Variants in MAGI2 observed in about 807,000 individuals in gnomAD.
The protein encoded by MAGI2 is membrane associated guanylate kinase, WW and PDZ domain containing 2.
A neutral mutation model predicts 133.3 loss-of-function variants in MAGI2; 35 were observed. The observed-to-expected ratio is 0.26, with a 90% CI of 0.20 to 0.35. The LOEUF (loss-of-function observed/expected upper bound fraction) is 0.35, where lower values mean the gene tolerates loss of function less well. Among genes scored for constraint, MAGI2 ranks in the 10% least tolerant of loss-of-function variants. MAGI2 has a pLI of 1.00. For synonymous variants in MAGI2, 729 were observed against 710.6 expected, an observed-to-expected ratio of 1.03 and a Z score of -0.41; for missense variants, 1,636 against 1,863.4, an observed-to-expected ratio of 0.88 and a Z score of 2.25.
chr7:78,978,901 C>T (rs1215281055), intron 2 of MAGI2, among the ~76,000 whole-genome samples: 1 of 151,704 alleles, frequency 6.6e-6, no homozygotes, highest in Non-Finnish European at 1.5e-5. Context: ...AACCACTATA[C>T]ACATATACAG....
chr7:78,098,309 A>C (rs1817898933), intron 20 of MAGI2, among the ~76,000 whole-genome samples: 1 of 152,164 alleles, frequency 6.6e-6, no homozygotes, highest in Admixed American at 6.5e-5. Flanking sequence ...AGGAATATAC[A>C]TGTAGTATTT....
intron 2 of MAGI2, among the ~76,000 whole-genome samples, chr7:78,988,230 C>A (rs867327386): frequency 2.6e-5 from 4 of 151,986 alleles, no homozygotes; most frequent in African/African-American, 9.7e-5. Context: ...GGCCCCAGCC[C>A]AACTACAAAC....
At chr7:79,159,299 A>T (rs1824116366) in intron 1 of MAGI2, among the ~76,000 whole-genome samples, 1 of 152,040 alleles carries the variant, frequency 6.6e-6, no homozygotes, top group Non-Finnish European at 1.5e-5. Flanking sequence ...GGATCACCTG[A>T]GGTCAGGAGT....
chr7:78,104,065 A>C (rs1326894974), intron 20 of MAGI2, among the ~76,000 whole-genome samples: 1 of 152,170 alleles, frequency 6.6e-6, no homozygotes, highest in Non-Finnish European at 1.5e-5. Context: ...GGGCTTCTAC[A>C]ATACTCCTGG....
intron 10 of MAGI2, among the ~76,000 whole-genome samples, chr7:78,227,720 T>C (rs1017398077): frequency 6.6e-6 from 1 of 152,138 alleles, no homozygotes; most frequent in Non-Finnish European, 1.5e-5. Flanking sequence ...TAGAAAAATA[T>C]AATTTCCCCC....
rs118116834 is a variant in MAGI2 at position 79,066,025 on chromosome 7, G to T, written c.302-58819C>A. Among the ~76,000 whole-genome samples the T allele has an allele frequency of 3.9e-3, 599 of 152,204 alleles. 12 individuals carry two copies. The East Asian group carries it at 0.071, about 18-fold the overall frequency. On this transcript the variant is annotated intron_variant, in intron 1 of 21. Coordinates refer to ENST00000354212, the MANE Select transcript of MAGI2 (RefSeq NM_012301.4). The stretch of plus-strand genomic sequence containing the variant: ...GAACAGTCCCGCAGTAAACATACAC[G>T]TGTATGTGTCTTTATAGTAGCATGA...
At chr7:78,333,810 G>A (rs1294991766) in intron 9 of MAGI2, among the ~76,000 whole-genome samples, 1 of 152,196 alleles carries the variant, frequency 6.6e-6, no homozygotes, top group Non-Finnish European at 1.5e-5. Flanking sequence ...TGGGTGATGA[G>A]TCCCAAAGGA....
At chr7:78,241,068 A>G (rs1014664901) in intron 10 of MAGI2, among the ~76,000 whole-genome samples, 6 of 152,048 alleles carry the variant, frequency 3.9e-5, no homozygotes, top group Non-Finnish European at 8.8e-5. Context: ...TTCTTGAGGC[A>G]GGGACTTTGT....
chr7:78,800,078 T>C (rs556726539), intron 2 of MAGI2, among the ~76,000 whole-genome samples: 1 of 152,134 alleles, frequency 6.6e-6, no homozygotes, highest in African/African-American at 2.4e-5. Flanking sequence ...CTTTCTATAG[T>C]AAATAATTTG....
At position 78,293,319 on chromosome 7, in the gene MAGI2, C is replaced by A. The variant is rs560205361; in HGVS notation, c.1409-36738G>T. On this transcript the variant is annotated intron_variant, in intron 9 of 21. Transcript: ENST00000354212. ...CAAAGGAAGACATTTATGCAGCCAA[C>A]AGACACGTGAAAAAATGCTCATCAT... Among the ~76,000 whole-genome samples the A allele has an allele frequency of 1.0e-3, 155 of 152,226 alleles. 2 individuals are homozygous for A. Among genetic ancestry groups the A allele is most frequent in the African/African-American group, 3.6e-3 (151 of 41,540 alleles).
intron 2 of MAGI2, among the ~76,000 whole-genome samples, chr7:78,844,351 T>C (rs1016058678): frequency 8.6e-5 from 13 of 151,858 alleles, no homozygotes; most frequent in Non-Finnish European, 1.3e-4. Context: ...ATTGCTTGTA[T>C]GTGAATGTTC....
At chr7:79,448,201 T>C (rs1848994905) in intron 1 of MAGI2, among the ~76,000 whole-genome samples, 1 of 152,022 alleles carries the variant, frequency 6.6e-6, no homozygotes, top group South Asian at 2.1e-4. Context: ...GGAGGATCAG[T>C]GGAAGTTATT....
At chr7:78,115,294 A>G (rs1209763335) in intron 20 of MAGI2, among the ~76,000 whole-genome samples, 1 of 152,204 alleles carries the variant, frequency 6.6e-6, no homozygotes, top group Non-Finnish European at 1.5e-5. Context: ...TTCAAAAGAG[A>G]GTTGAAAAAA....
chr7:79,180,841 T>C (rs1378156509), intron 1 of MAGI2, among the ~76,000 whole-genome samples: 1 of 151,822 alleles, frequency 6.6e-6, no homozygotes, highest in Non-Finnish European at 1.5e-5. Context: ...AGGCATTGGG[T>C]AAATATGCCA....
At chr7:78,408,200 A>T (rs1040159837) in intron 6 of MAGI2, among the ~76,000 whole-genome samples, 1 of 152,086 alleles carries the variant, frequency 6.6e-6, no homozygotes, top group Admixed American at 6.6e-5. Flanking sequence ...GACACTCTGA[A>T]CTACTGTGCC....
rs138331800 is a variant in MAGI2, at chr7:78,079,013, T to A, written c.3640A>T (p.Ile1214Phe). ...DMTHARAIEL[I>F]KSGGRRVRLL... ...CTCACTCGTCTTCCTCCAGATTTGATGAGTTCTATTGCTCTGGCATGTGTC... is the reference window on the plus strand; with the variant it reads ...CTCACTCGTCTTCCTCCAGATTTGAAGAGTTCTATTGCTCTGGCATGTGTC... The change falls in exon 21 of 22, where the codon ATC becomes TTC. Residue 1214 changes from isoleucine to phenylalanine, a missense_variant. Coordinates refer to ENST00000354212, the MANE Select transcript of MAGI2 (RefSeq NM_012301.4). The A allele has an allele frequency of 2.0e-5, 33 of 1,612,996 alleles. No homozygotes were observed. The African/African-American group carries it at 3.9e-4, about 19-fold the overall frequency.
chr7:78,692,371 G>A (rs954700887), intron 2 of MAGI2, among the ~76,000 whole-genome samples: 4 of 152,128 alleles, frequency 2.6e-5, no homozygotes, highest in Non-Finnish European at 5.9e-5. Context: ...GGTGGTGTGT[G>A]ATACCTTAGG....
rs368424894 is a variant in MAGI2, at chr7:78,917,491, T to G, written c.418+89599A>C. Among the ~76,000 whole-genome samples, 44 of 152,204 alleles carry G rather than the reference T, an allele frequency of 2.9e-4. No homozygotes were observed. In the South Asian group the frequency reaches 5.8e-3, roughly 20 times the overall value. On this transcript the variant is annotated intron_variant, in intron 2 of 21. Coordinates refer to ENST00000354212, the MANE Select transcript of MAGI2 (RefSeq NM_012301.4). Reference sequence around the variant, plus strand: ...GATGTGGTGGAGAAGAAATTGTCCTTGTGATGTCTAGGATGCATCTGTTCT... The same window carrying G: ...GATGTGGTGGAGAAGAAATTGTCCTGGTGATGTCTAGGATGCATCTGTTCT...
chr7:78,637,690 T>C (rs964966202), intron 2 of MAGI2, among the ~76,000 whole-genome samples: 7 of 152,234 alleles, frequency 4.6e-5, no homozygotes, highest in African/African-American at 1.7e-4. Context: ...CTCTCTGTTA[T>C]AACAAATTAT....
Sources: gnomAD v4.1 joint callset for allele counts (sites outside exome capture counted in the v4.1 genomes callset) on GRCh38, gnomAD v4.1.1 for gene constraint, MANE v1.5 for transcripts, NCBI Gene and HGNC (gene_info 2026-07-23, HGNC 2026-07-21) for gene names.